The following CYRIB variants were observed in gnomAD, a reference collection of about 807,000 sequenced individuals.
The protein encoded by CYRIB is CYFIP related Rac1 interactor B.
CYRIB carries 8 observed loss-of-function variants against 44.2 expected under a neutral mutation model. The observed-to-expected ratio is 0.18, with a 90% CI of 0.11 to 0.33. CYRIB has a LOEUF of 0.33. CYRIB is among the 10% of genes least tolerant of loss of function. The pLI is 1.00. For synonymous variants in CYRIB, 131 were observed against 127.2 expected, an observed-to-expected ratio of 1.03 and a Z score of -0.20; for missense variants, 185 against 382.8, an observed-to-expected ratio of 0.48 and a Z score of 4.31.
chr8:129,983,997 C>T (rs1201141836), intron 1 of CYRIB, among the ~76,000 whole-genome samples: 2 of 152,224 alleles, frequency 1.3e-5, no homozygotes, highest in Non-Finnish European at 2.9e-5. Flanking sequence ...TATTGTTCCC[C>T]GGAATCGGAG....
chr8:129,853,201 T>C (rs529017408), intron 7 of CYRIB, among the ~76,000 whole-genome samples: 13 of 152,336 alleles, frequency 8.5e-5, no homozygotes, highest in African/African-American at 2.6e-4. Flanking sequence ...CTAATGTCTT[T>C]AGCCTTAAGT....
intron 9 of CYRIB, 57 bp from the exon 12 acceptor site, chr8:129,849,426 A>G: frequency 1.4e-6 from 2 of 1,392,798 alleles, no homozygotes; most frequent in Non-Finnish European, 9.7e-7. Context: ...CTTTTTAAAA[A>G]CACACACACA....
At chr8:129,895,131 G>A (rs2067345592) in intron 2 of CYRIB, among the ~76,000 whole-genome samples, 2 of 128,688 alleles carry the variant, frequency 1.6e-5, no homozygotes, top group Non-Finnish European at 3.3e-5. Context: ...TGGGGGTGGG[G>A]GTGGGGGTGG....
intron 1 of CYRIB, among the ~76,000 whole-genome samples, chr8:129,997,422 A>G (rs979734236): frequency 7.9e-5 from 12 of 152,246 alleles, no homozygotes; most frequent in Non-Finnish European, 1.5e-4. Context: ...CAGACCCAAA[A>G]AAGTGTTTAA....
intron 4 of CYRIB, among the ~76,000 whole-genome samples, chr8:129,863,701 T>C (rs2051415949): frequency 1.3e-5 from 2 of 151,816 alleles, no homozygotes; most frequent in African/African-American, 4.9e-5. Flanking sequence ...TTAATATAAA[T>C]GACTTCTTCT....
At chr8:129,891,491 G>C (rs1405307428) in intron 2 of CYRIB, among the ~76,000 whole-genome samples, 1 of 152,186 alleles carries the variant, frequency 6.6e-6, no homozygotes, top group Admixed American at 6.5e-5. Context: ...GGAAGAGACA[G>C]AGAGATTAGT....
intron 7 of CYRIB, among the ~76,000 whole-genome samples, chr8:129,852,849 T>G (rs1047261180): frequency 6.6e-6 from 1 of 152,212 alleles, no homozygotes; most frequent in Non-Finnish European, 1.5e-5. Context: ...TCAGACTGTA[T>G]AGTGCCATAA....
chr8:129,855,879 T>A, intron 5 of CYRIB, 132 bp from the exon 8 acceptor site: 1 of 778,296 alleles, frequency 1.3e-6, no homozygotes, highest in Non-Finnish European at 2.0e-6. Flanking sequence ...CTAAACATAA[T>A]AAAACTAATT....
intron 1 of CYRIB, among the ~76,000 whole-genome samples, chr8:129,922,951 C>A (rs529198844): frequency 6.6e-6 from 1 of 151,178 alleles, no homozygotes; most frequent in Non-Finnish European, 1.5e-5. Context: ...ATTCTCCGGC[C>A]GGGCGCGGTG....
chr8:129,951,131 C>A (rs143287751), intron 2 of CYRIB, among the ~76,000 whole-genome samples: 76 of 152,172 alleles, frequency 5.0e-4, no homozygotes, highest in African/African-American at 1.8e-3. Flanking sequence ...TGGCGAGACC[C>A]CATCTCTACT....
intron 1 of CYRIB, among the ~76,000 whole-genome samples, chr8:129,997,141 G>C (rs2096793548): frequency 1.1e-5 from 1 of 93,660 alleles, no homozygotes; most frequent in Non-Finnish European, 2.0e-5. Context: ...GAGGAGGAGG[G>C]AGGAAAGGAG....
At chr8:129,907,823 G>A (rs964805628) in intron 1 of CYRIB, among the ~76,000 whole-genome samples, 13 of 152,084 alleles carry the variant, frequency 8.5e-5, no homozygotes, top group African/African-American at 1.9e-4. Flanking sequence ...CCAACATGGC[G>A]AAACCCCATC....
chr8:129,888,364 T>C (rs2063630274), intron 2 of CYRIB, among the ~76,000 whole-genome samples: 1 of 152,184 alleles, frequency 6.6e-6, no homozygotes. Flanking sequence ...CTCTTTTCTT[T>C]AGAAATTACC....
exon 12 of CYRIB, chr8:129,839,674 T>C (rs1449083165): frequency 6.6e-6 from 1 of 152,232 alleles, no homozygotes; most frequent in Non-Finnish European, 1.5e-5. Flanking sequence ...TATTATTCTT[T>C]TGATTGTATT....
chr8:129,840,515 C>T (rs1013161470), exon 12 of CYRIB: 7 of 152,300 alleles, frequency 4.6e-5, no homozygotes, highest in African/African-American at 1.7e-4. Context: ...GAATGTATCT[C>T]CTGGGGGCCA....
intron 2 of CYRIB, among the ~76,000 whole-genome samples, chr8:129,884,086 A>G (rs2061795897): frequency 1.3e-5 from 2 of 152,116 alleles, no homozygotes. Flanking sequence ...TGGAGTCATT[A>G]ATTTCCTTCC....
At chr8:129,940,978 C>G (rs575076116), upstream of CYRIB, among the ~76,000 whole-genome samples, 6 of 152,288 alleles carry the variant, frequency 3.9e-5, no homozygotes, top group Non-Finnish European at 8.8e-5. Context: ...CTGCGCCTTA[C>G]TCTATGGGGC....
At chr8:129,935,948 C>A (rs934591703) in intron 1 of CYRIB, among the ~76,000 whole-genome samples, 1 of 152,028 alleles carries the variant, frequency 6.6e-6, no homozygotes, top group African/African-American at 2.4e-5. Flanking sequence ...AGAATGATTT[C>A]TTTGTTTAAA....
At chr8:129,917,094 T>C (rs1005208260) in intron 1 of CYRIB, among the ~76,000 whole-genome samples, 6 of 152,222 alleles carry the variant, frequency 3.9e-5, no homozygotes, top group African/African-American at 1.4e-4. Flanking sequence ...GTTGTAGCTA[T>C]TATTAGCAAC....
Sources: allele counts gnomAD v4.1 joint callset (sites outside exome capture counted in the v4.1 genomes callset), GRCh38; gene constraint gnomAD v4.1.1; transcripts MANE v1.5; gene names NCBI Gene and HGNC (gene_info 2026-07-23, HGNC 2026-07-21).